Variants in SHC3 observed in about 807,000 individuals in gnomAD.
The protein encoded by SHC3 is SHC adaptor protein 3, also known as SHC-transforming protein 3.
A neutral mutation model predicts 60.4 loss-of-function variants in SHC3; 15 were observed. The ratio of observed to expected loss-of-function variants is 0.25; its 90% CI spans 0.17 to 0.38. SHC3 has a LOEUF of 0.38. Ranked by LOEUF, SHC3 falls within the 10% of genes least tolerant of loss-of-function variation. The probability of loss-of-function intolerance (pLI) is 1.00; values close to 1 mark genes in which losing one functional copy is unlikely to be tolerated. For missense variants in SHC3, 677 were observed against 786.1 expected, an observed-to-expected ratio of 0.86 and a Z score of 1.66; for synonymous variants, 294 against 325.9, an observed-to-expected ratio of 0.90 and a Z score of 1.05.
chr9:89,175,585 G>A (rs1257489389), intron 1 of SHC3, among the ~76,000 whole-genome samples: 2 of 152,086 alleles, frequency 1.3e-5, no homozygotes, highest in African/African-American at 4.8e-5. Context: ...CTTTGAGGGG[G>A]AAAATCTATA....
At chr9:89,021,760 C>T (rs1008789298) in intron 11 of SHC3, among the ~76,000 whole-genome samples, 2 of 152,182 alleles carry the variant, frequency 1.3e-5, no homozygotes, top group Non-Finnish European at 1.5e-5. Context: ...GGGCTACTTC[C>T]GCATTGCCTG....
chr9:89,175,688 C>A (rs900796067), intron 1 of SHC3, among the ~76,000 whole-genome samples: 6 of 152,098 alleles, frequency 3.9e-5, no homozygotes, highest in African/African-American at 1.4e-4. Flanking sequence ...ATAATGCATC[C>A]TTTCCCAAAC....
rs569168864 is a variant in SHC3 at position 89,005,845 on chromosome 9, G to C, written c.*7602C>G. On this transcript the variant is annotated 3_prime_UTR_variant, in exon 12 of 12. Transcript: ENST00000375835. Reference sequence around the variant, plus strand: ...TTAAACAATTAACTGTTTAGAAAATGGTTGTTTCTCTCAACCCTTGAGCCA... The same window carrying C: ...TTAAACAATTAACTGTTTAGAAAATCGTTGTTTCTCTCAACCCTTGAGCCA... 3 of 152,312 alleles carry C rather than the reference G, an allele frequency of 2.0e-5. No homozygotes were observed. The South Asian group carries it at 6.2e-4, about 32-fold the overall frequency. The allele number at this position is 152,312 out of a possible 1,614,324, so 9.4% of individuals were successfully genotyped here. A position where few individuals can be genotyped will look rare whatever the true frequency, so the allele number is the denominator to read the frequency against.
At chr9:89,076,620 AG>A (rs1825362316) in intron 3 of SHC3, among the ~76,000 whole-genome samples, 1 of 151,304 alleles carries the variant, frequency 6.6e-6, no homozygotes, top group Non-Finnish European at 1.5e-5. Flanking sequence ...GTCCTAGTGC[AG>A]TGTTTGAACA....
At chr9:89,033,466 G>A (rs1824523728) in intron 11 of SHC3, among the ~76,000 whole-genome samples, 1 of 152,110 alleles carries the variant, frequency 6.6e-6, no homozygotes, top group African/African-American at 2.4e-5. Flanking sequence ...ACAGGAAGAA[G>A]TATGAGCTGA....
rs79968047 is a variant in SHC3, at chr9:89,092,219, T to C, written c.546-14316A>G. The stretch of plus-strand genomic sequence containing the variant: ...GAGTGTGGTTCAGCACAGAAGGGTG[T>C]AGGGACATTGAGGGTCCTCACAGCA... On this transcript the variant is annotated intron_variant, in intron 2 of 11. Transcript: ENST00000375835. Among the ~76,000 whole-genome samples the C allele has an allele frequency of 2.2e-3, 338 of 152,296 alleles. 10 individuals are homozygous for C. In the East Asian group the frequency reaches 0.057, roughly 26 times the overall value.
At chr9:89,027,875 C>T (rs1039775957) in intron 11 of SHC3, among the ~76,000 whole-genome samples, 1 of 152,154 alleles carries the variant, frequency 6.6e-6, no homozygotes, top group Non-Finnish European at 1.5e-5. Flanking sequence ...ACCCTTGCAA[C>T]AGTGGGAAGG....
At chr9:89,132,360 A>G (rs528477406) in intron 1 of SHC3, among the ~76,000 whole-genome samples, 53 of 152,334 alleles carry the variant, frequency 3.5e-4, no homozygotes, top group Non-Finnish European at 5.9e-4. Flanking sequence ...ATTCAATGCC[A>G]TCCCCATCAA....
At chr9:89,038,952 C>T (rs1023961091) in intron 10 of SHC3, among the ~76,000 whole-genome samples, 2 of 152,246 alleles carry the variant, frequency 1.3e-5, no homozygotes, top group African/African-American at 4.8e-5. Context: ...TCAGAGCACA[C>T]TTCTCAGTGC....
chr9:89,065,650 G>A (rs1825167100), intron 5 of SHC3, 70 bp from the exon 6 acceptor site: 2 of 1,479,772 alleles, frequency 1.4e-6, no homozygotes, highest in Non-Finnish European at 9.4e-7. Flanking sequence ...GGGACACAGG[G>A]CACAAACCAG....
intron 1 of SHC3, among the ~76,000 whole-genome samples, chr9:89,121,476 G>A (rs902354111): frequency 2.6e-5 from 4 of 152,168 alleles, no homozygotes; most frequent in African/African-American, 9.7e-5. Context: ...TTTTAGTAGA[G>A]ATGGGGTTTC....
rs369505625 is a variant in SHC3 at position 89,061,117 on chromosome 9, C to T, written c.835+4412G>A. On this transcript the variant is annotated intron_variant, in intron 6 of 11. Transcript: ENST00000375835. The stretch of plus-strand genomic sequence containing the variant: ...CAGAGCCTGGCTTTGTTTGTAAAAA[C>T]ACTGCTCATAATAGCCAAATGTGGG... 1.4e-3 allele frequency among the ~76,000 whole-genome samples: 210 copies of T among 152,318 alleles called. 1 individual carries two copies. The highest frequency in any genetic ancestry group is 4.7e-3 in the African/African-American group (196 of 41,562).
intron 2 of SHC3, among the ~76,000 whole-genome samples, chr9:89,103,982 G>C (rs944931865): frequency 6.6e-6 from 1 of 152,186 alleles, no homozygotes; most frequent in Non-Finnish European, 1.5e-5. Context: ...AGCAATCAGA[G>C]AGGTACATTT....
Position 89,064,385 on chromosome 9 carries a change from C to T in SHC3, c.835+1144G>A, listed in dbSNP as rs1233401650. Among the ~76,000 whole-genome samples the T allele has an allele frequency of 5.3e-5, 8 of 152,226 alleles. No individual in the cohort carries two copies. The East Asian group carries it at 7.7e-4, about 15-fold the overall frequency. On this transcript the variant is annotated intron_variant, in intron 6 of 11. Transcript: ENST00000375835. ...CTGAGAGAGCCTGGTGAGGCAGCCACGGGACATGTGGAATCGATCCTGATT... is the reference window on the plus strand; with the variant it reads ...CTGAGAGAGCCTGGTGAGGCAGCCATGGGACATGTGGAATCGATCCTGATT...
At chr9:89,026,584 C>G (rs539231678) in intron 11 of SHC3, among the ~76,000 whole-genome samples, 1 of 152,336 alleles carries the variant, frequency 6.6e-6, no homozygotes, top group East Asian at 1.9e-4. Context: ...CCACCCTGGG[C>G]ACATGTTCTC....
At chr9:89,057,119 G>A (rs1396879336) in intron 6 of SHC3, among the ~76,000 whole-genome samples, 1 of 152,186 alleles carries the variant, frequency 6.6e-6, no homozygotes, top group Non-Finnish European at 1.5e-5. Context: ...ACTCAAATGA[G>A]GAAATGTCCT....
At chr9:89,048,105 G>A (rs576262178) in intron 7 of SHC3, among the ~76,000 whole-genome samples, 1 of 151,988 alleles carries the variant, frequency 6.6e-6, no homozygotes, top group Non-Finnish European at 1.5e-5. Flanking sequence ...TTAGCCAGGC[G>A]TGGTGGCACA....
intron 1 of SHC3, among the ~76,000 whole-genome samples, chr9:89,127,837 T>G (rs1826187408): frequency 6.6e-6 from 1 of 151,974 alleles, no homozygotes; most frequent in Admixed American, 6.6e-5. Flanking sequence ...TTCCCTCTTT[T>G]TGGGGGTATA....
chr9:89,155,289 C>T (rs146183150), intron 1 of SHC3, among the ~76,000 whole-genome samples: 224 of 152,292 alleles, frequency 1.5e-3, no homozygotes, highest in African/African-American at 5.2e-3. Flanking sequence ...GCATTCTACC[C>T]GATGCCACAC....
Sources: gnomAD v4.1 joint callset for allele counts (sites outside exome capture counted in the v4.1 genomes callset) on GRCh38, gnomAD v4.1.1 for gene constraint, MANE v1.5 for transcripts, NCBI Gene and HGNC (gene_info 2026-07-23, HGNC 2026-07-21) for gene names.